MYH9: variants seen among roughly 807,000 people sequenced by gnomAD.
MYH9 encodes myosin heavy chain 9, also known as myosin-9.
A neutral mutation model predicts 241.9 loss-of-function variants in MYH9; 29 were observed. That is an observed-to-expected ratio of 0.12 (90% confidence interval 0.09 to 0.16). The LOEUF is 0.16. Among genes scored for constraint, MYH9 ranks in the 10% least tolerant of loss-of-function variants. MYH9 has a pLI of 1.00. For synonymous variants in MYH9, 1,047 were observed against 1,062.6 expected (o/e 0.99, Z 0.29); for missense variants, 1,803 against 2,595.5 (o/e 0.69, Z 6.63).
chr22:36,344,042 C>G (rs2017633954), intron 2 of MYH9, among the ~76,000 whole-genome samples: 1 of 152,242 alleles, frequency 6.6e-6, no homozygotes, highest in African/African-American at 2.4e-5. Flanking sequence ...TTTCTGACAG[C>G]TGGGTGGGCA....
intron 15 of MYH9, among the ~76,000 whole-genome samples, chr22:36,307,161 T>C (rs966107729): frequency 1.3e-5 from 2 of 152,190 alleles, no homozygotes; most frequent in African/African-American, 4.8e-5. Context: ...TACGCAGACA[T>C]CTCAGGAAGG....
chr22:36,293,994 AAGAG>A lies in MYH9; in HGVS notation c.3837+94_3837+97del, dbSNP rs1438433338. ...TGAGGGTCTGAGGAGCCAGTTTGAGAAGAGAGAGAGACAGAGAGCACACATGCAC... is the reference window on the plus strand; with the variant it reads ...TGAGGGTCTGAGGAGCCAGTTTGAGAAGAGAGACAGAGAGCACACATGCAC... On this transcript the variant is annotated intron_variant, in intron 28 of 40. Transcript: ENST00000216181. This position sits in a 1 kb window ranked among gnomAD's most constrained non-coding sequence, Gnocchi z 5.1. The A allele has an allele frequency of 2.7e-6, 4 of 1,496,120 alleles. No homozygotes were observed. The highest frequency in any genetic ancestry group is 1.7e-5 in the Admixed American group (1 of 57,426). The allele number at this position is 1,496,120 out of a possible 1,614,324, so 92.7% of individuals were successfully genotyped here.
In MYH9 at chr22:36,329,485, C is replaced by T. The variant is rs1312273981; in HGVS notation, c.491-1997G>A. 3.3e-5 allele frequency among the ~76,000 whole-genome samples: 5 copies of T among 152,162 alleles called. No homozygotes were observed. Among genetic ancestry groups the T allele is most frequent in the Non-Finnish European group, 5.9e-5 (4 of 68,020 alleles). On this transcript the variant is annotated intron_variant, in intron 3 of 40. Coordinates refer to ENST00000216181, the MANE Select transcript of MYH9 (RefSeq NM_002473.6). This position sits in a 1 kb window ranked among gnomAD's most constrained non-coding sequence, Gnocchi z 4.1. ...TTTGTCATCCCAGCCCCCTGCCCTC[C>T]CCCACTGCGTCTCCCTGTGGTCTGC...
In MYH9 at chr22:36,320,510, G is replaced by T; in HGVS notation, c.869-147C>A. 9.3e-7 allele frequency: 1 copy of T among 1,074,290 alleles called. No homozygotes were observed. The highest frequency in any genetic ancestry group is 1.4e-6 in the Non-Finnish European group (1 of 719,360). The allele number at this position is 1,074,290 out of a possible 1,614,324, so 66.5% of individuals were successfully genotyped here. A position where few individuals can be genotyped will look rare whatever the true frequency, so the allele number is the denominator to read the frequency against. On this transcript the variant is annotated intron_variant, in intron 8 of 40. Transcript: ENST00000216181. The surrounding 1 kb of genome is among the most constrained non-coding windows in gnomAD (Gnocchi z 4.8). Reference sequence around the variant, plus strand: ...ACCGCAGAGTAGCCAGTGACGTTCAGCTTTCCTCAGTGTCTGAGACTCTGA... The same window carrying T: ...ACCGCAGAGTAGCCAGTGACGTTCATCTTTCCTCAGTGTCTGAGACTCTGA...
At chr22:36,318,062 C>T (rs1313144376) in intron 11 of MYH9, 145 bp downstream of exon 11, 21 of 782,892 alleles carry the variant, frequency 2.7e-5, no homozygotes, top group African/African-American at 8.4e-5. Flanking sequence ...CACCTCTCTC[C>T]GGGTTGCTGT....
chr22:36,353,131 G>A (rs2017798887), intron 1 of MYH9, among the ~76,000 whole-genome samples: 2 of 144,706 alleles, frequency 1.4e-5, no homozygotes, highest in African/African-American at 2.7e-5. Context: ...GTGTGTGTGT[G>A]TATAAGTGTG....
At chr22:36,309,836 G>A (rs2017031773) in intron 14 of MYH9, among the ~76,000 whole-genome samples, 1 of 152,178 alleles carries the variant, frequency 6.6e-6, no homozygotes, top group African/African-American at 2.4e-5. Context: ...CTGAGTATGT[G>A]TCAGTTTCAT....
intron 1 of MYH9, among the ~76,000 whole-genome samples, chr22:36,382,197 A>G (rs113800094): frequency 0.014 from 2,192 of 151,580 alleles, 65 homozygotes; most frequent in African/African-American, 0.051. Context: ...AGTGCTGGCC[A>G]GGTGCGGTGG....
intron 1 of MYH9, among the ~76,000 whole-genome samples, chr22:36,386,749 G>A (rs2018357967): frequency 6.6e-6 from 1 of 152,242 alleles, no homozygotes; most frequent in African/African-American, 2.4e-5. Flanking sequence ...TGCTGGGGGT[G>A]CTGAGTCTCA....
chr22:36,342,645 A>AG (rs1162351273), intron 2 of MYH9, among the ~76,000 whole-genome samples: 8 of 151,846 alleles, frequency 5.3e-5, no homozygotes, highest in Non-Finnish European at 8.8e-5. Context: ...AAAAAAAAAA[A>AG]GATTCCTAAA....
At chr22:36,323,872 A>G (rs1415569414) in intron 5 of MYH9, among the ~76,000 whole-genome samples, 2 of 152,344 alleles carry the variant, frequency 1.3e-5, no homozygotes, top group African/African-American at 2.4e-5. Context: ...GCAGGGGTCA[A>G]GCCCACAGAG....
chr22:36,363,823 C>A (rs914510057), intron 1 of MYH9, among the ~76,000 whole-genome samples: 1 of 152,172 alleles, frequency 6.6e-6, no homozygotes, highest in Non-Finnish European at 1.5e-5. Context: ...GTTCACCAAG[C>A]GCACCAAGCA....
chr22:36,294,381 A>C, intron 27 of MYH9, 83 bp from the exon 28 acceptor site: 2 of 1,455,268 alleles, frequency 1.4e-6, no homozygotes, highest in South Asian at 1.1e-5. Flanking sequence ...CCCTAGATCC[A>C]GACATCGCTG....
At chr22:36,321,918 G>T in intron 6 of MYH9, 97 bp from the exon 7 acceptor site, 1 of 1,112,586 alleles carries the variant, frequency 9.0e-7, no homozygotes, top group Non-Finnish European at 1.4e-6. Flanking sequence ...ACCTCCGGTG[G>T]GCACAGCTTG....
At chr22:36,376,829 C>T (rs1029958462) in intron 1 of MYH9, among the ~76,000 whole-genome samples, 2 of 152,044 alleles carry the variant, frequency 1.3e-5, no homozygotes, top group Admixed American at 6.6e-5. Flanking sequence ...TTTGGGAGGC[C>T]GAGGCAGGTG....
intron 5 of MYH9, among the ~76,000 whole-genome samples, chr22:36,324,856 C>G (rs907646864): frequency 2.0e-5 from 3 of 152,202 alleles, no homozygotes; most frequent in African/African-American, 7.2e-5. Flanking sequence ...CACTGTCACC[C>G]CCAACCCCAG....
chr22:36,381,862 G>A (rs1238761230), intron 1 of MYH9, among the ~76,000 whole-genome samples: 1 of 152,180 alleles, frequency 6.6e-6, no homozygotes, highest in African/African-American at 2.4e-5. Flanking sequence ...CTATGTCAAT[G>A]CCGCAATGAA....
chr22:36,301,447 T>G, intron 21 of MYH9, 87 bp downstream of exon 21: 2 of 1,573,618 alleles, frequency 1.3e-6, no homozygotes, highest in African/African-American at 1.3e-5. Flanking sequence ...TAATAGAAAC[T>G]TCCAGCATGC....
intron 31 of MYH9, among the ~76,000 whole-genome samples, chr22:36,289,802 C>T (rs553971340): frequency 2.0e-5 from 3 of 152,134 alleles, no homozygotes; most frequent in Non-Finnish European, 4.4e-5. Context: ...TTCCTTTTGG[C>T]CCAAACCTTA....
Sources: allele counts gnomAD v4.1 joint callset (sites outside exome capture counted in the v4.1 genomes callset), GRCh38; gene constraint gnomAD v4.1.1; non-coding constraint Gnocchi (gnomAD v3.1); transcripts MANE v1.5; gene names NCBI Gene and HGNC (gene_info 2026-07-23, HGNC 2026-07-21).